Variants in PTK2 observed in about 807,000 individuals in gnomAD.
PTK2 encodes the protein focal adhesion kinase 1.
A neutral mutation model predicts 150.1 loss-of-function variants in PTK2; 45 were observed. That is an observed-to-expected ratio of 0.30 (90% CI 0.24 to 0.38). PTK2 has a LOEUF of 0.38. Ranked by LOEUF, PTK2 falls within the 10% of genes least tolerant of loss-of-function variation. The probability of loss-of-function intolerance (pLI) is 1.00; values close to 1 mark genes in which losing one functional copy is unlikely to be tolerated. For synonymous variants in PTK2, 432 were observed against 449.2 expected, an observed-to-expected ratio of 0.96 and a Z score of 0.48; for missense variants, 919 against 1,307.3, an observed-to-expected ratio of 0.70 and a Z score of 4.58.
chr8:140,855,331 C>T (rs1347067919), intron 5 of PTK2, among the ~76,000 whole-genome samples: 2 of 152,056 alleles, frequency 1.3e-5, no homozygotes, highest in Non-Finnish European at 2.9e-5. Flanking sequence ...TGTGGTGGCT[C>T]ACGTCAGTAA....
chr8:140,796,566 G>A (rs1350715224), intron 12 of PTK2, among the ~76,000 whole-genome samples: 1 of 152,118 alleles, frequency 6.6e-6, no homozygotes, highest in Non-Finnish European at 1.5e-5. Context: ...TGCCTAACAG[G>A]AGACTTTCTA....
Position 140,735,524 on chromosome 8 carries a change from C to T in PTK2, c.1826-69G>A, listed in dbSNP as rs548673838. On this transcript the variant is annotated intron_variant, in intron 21 of 31. Transcript: ENST00000522684. Reference sequence around the variant, plus strand: ...GAATGTAACTCCCAGGTTCCAGGAACATTGTTCTTCTAGGCACTCGAGTAC... The same window carrying T: ...GAATGTAACTCCCAGGTTCCAGGAATATTGTTCTTCTAGGCACTCGAGTAC... The T allele has an allele frequency of 8.1e-5, 122 of 1,515,356 alleles. No homozygotes were observed. The African/African-American group carries it at 1.6e-3, about 19-fold the overall frequency. The allele number at this position is 1,515,356 out of a possible 1,614,324, so 93.9% of individuals were successfully genotyped here. A position where few individuals can be genotyped will look rare whatever the true frequency, so the allele number is the denominator to read the frequency against.
chr8:140,878,206 G>A (rs1464462470), intron 4 of PTK2, among the ~76,000 whole-genome samples: 1 of 152,166 alleles, frequency 6.6e-6, no homozygotes, highest in Non-Finnish European at 1.5e-5. Context: ...TATTCTCAAG[G>A]AGTATTTTGT....
chr8:140,781,298 T>C (rs191999077), intron 14 of PTK2, among the ~76,000 whole-genome samples: 2 of 152,202 alleles, frequency 1.3e-5, no homozygotes, highest in African/African-American at 4.8e-5. Context: ...AATAATATAT[T>C]TTTTTAAAAA....
chr8:140,963,536 A>T (rs1292558025), intron 1 of PTK2, among the ~76,000 whole-genome samples: 1 of 152,226 alleles, frequency 6.6e-6, no homozygotes, highest in Non-Finnish European at 1.5e-5. Context: ...AACAAAAACA[A>T]AACAAAACCT....
chr8:140,932,953 G>A (rs2100172402), intron 1 of PTK2, among the ~76,000 whole-genome samples: 1 of 151,900 alleles, frequency 6.6e-6, no homozygotes, highest in East Asian at 1.9e-4. Flanking sequence ...CTGGGTTCAA[G>A]TGATTCTCCT....
chr8:140,858,932 G>A (rs902766217), intron 5 of PTK2, among the ~76,000 whole-genome samples: 3 of 152,176 alleles, frequency 2.0e-5, no homozygotes, highest in Non-Finnish European at 4.4e-5. Context: ...TGAGCCAAAA[G>A]AGATAAATTA....
rs371599953 is a variant in PTK2, at chr8:140,949,040, C to T, written c.-121-23291G>A. ...AGACCAACCCCTCTTCTTCCTCCTC[C>T]TCCTCCTCAGCCTACTCAACATGAA... On this transcript the variant is annotated intron_variant, in intron 1 of 31. Coordinates refer to ENST00000522684, the Ensembl canonical transcript of PTK2. Among the ~76,000 whole-genome samples the T allele has an allele frequency of 1.1e-4, 16 of 151,790 alleles. 1 individual carries two copies. In the East Asian group the frequency reaches 1.5e-3, roughly 15 times the overall value.
intron 1 of PTK2, among the ~76,000 whole-genome samples, chr8:140,927,973 AAAATATAT>A (rs1313001760): frequency 2.7e-5 from 2 of 72,948 alleles, no homozygotes; most frequent in East Asian, 9.7e-4. Context: ...AAAAAAAAAA[AAAATATAT>A]ATATATATAT....
intron 22 of PTK2, among the ~76,000 whole-genome samples, chr8:140,722,643 G>A (rs1178415879): frequency 6.6e-6 from 1 of 152,112 alleles, no homozygotes; most frequent in East Asian, 1.9e-4. Flanking sequence ...CAGAGACCAG[G>A]AGCAAAGAAG....
intron 29 of PTK2, chr8:140,669,422 C>T: frequency 3.4e-6 from 1 of 298,168 alleles, no homozygotes; most frequent in Non-Finnish European, 6.2e-6. Context: ...AATATAAGTT[C>T]CCATTTCTGA....
intron 1 of PTK2, among the ~76,000 whole-genome samples, chr8:140,945,981 G>A (rs1033920796): frequency 6.6e-6 from 1 of 151,838 alleles, no homozygotes; most frequent in Non-Finnish European, 1.5e-5. Flanking sequence ...ACCTGTTCTC[G>A]CCTTATTTTT....
intron 2 of PTK2, among the ~76,000 whole-genome samples, chr8:140,923,008 T>A (rs2100168120): frequency 6.6e-6 from 1 of 152,072 alleles, no homozygotes; most frequent in African/African-American, 2.4e-5. Context: ...ACAAGAAAAG[T>A]GATGGAGAGA....
rs944375639 is a variant in PTK2, at chr8:140,726,474, C to T, written c.2031-8765G>A. ...ACCCAAGCACATCCTACTTAAATTG[C>T]TGAAAAATCAAAGAAAGAAAATCAT... On this transcript the variant is annotated intron_variant, in intron 22 of 31. Coordinates refer to ENST00000522684, the Ensembl canonical transcript of PTK2. Among the ~76,000 whole-genome samples, 10 of 152,106 alleles carry T rather than the reference C, an allele frequency of 6.6e-5. No homozygotes were observed. The East Asian group carries it at 1.9e-3, about 29-fold the overall frequency.
intron 2 of PTK2, among the ~76,000 whole-genome samples, chr8:140,913,297 CTT>C (rs59811549): frequency 0.64 from 82,945 of 130,550 alleles, 28,095 homozygotes; most frequent in Non-Finnish European, 0.79. Flanking sequence ...TAAAATTAAA[CTT>C]TTTTTTTTTT....
chr8:140,841,256 A>G lies in PTK2; in HGVS notation c.593+5004T>C, dbSNP rs569656136. Among the ~76,000 whole-genome samples the G allele has an allele frequency of 8.5e-5, 13 of 152,280 alleles. No homozygotes were observed. In the East Asian group the frequency reaches 2.5e-3, roughly 29 times the overall value. Reference sequence around the variant, plus strand: ...TAGCATTCAGGTAATAGACACACAGATGCTCACTGAACAAGTCTCTCAACT... The same window carrying G: ...TAGCATTCAGGTAATAGACACACAGGTGCTCACTGAACAAGTCTCTCAACT... On this transcript the variant is annotated intron_variant, in intron 7 of 31. Transcript: ENST00000522684.
At position 140,700,838 on chromosome 8, in the gene PTK2, T is replaced by C. The variant is rs913044789; in HGVS notation, c.2499+53A>G. On this transcript the variant is annotated intron_variant, in intron 26 of 31. Coordinates refer to ENST00000522684, the Ensembl canonical transcript of PTK2. ...CATTTTGCAATAATTTGCAATATAG[T>C]AGACTCTAACAGGGCTTAAAAAGTC... 4.4e-6 allele frequency: 7 copies of C among 1,595,786 alleles called. No individual in the cohort carries two copies. The African/African-American group carries it at 5.4e-5, about 12-fold the overall frequency.
intron 26 of PTK2, among the ~76,000 whole-genome samples, chr8:140,696,478 A>T (rs184962777): frequency 6.6e-6 from 1 of 152,280 alleles, no homozygotes; most frequent in East Asian, 1.9e-4. Flanking sequence ...TTGTGGGTAG[A>T]GGCCAGGGAT....
chr8:140,669,974 G>A, intron 29 of PTK2: 1 of 515,608 alleles, frequency 1.9e-6, no homozygotes, highest in Non-Finnish European at 3.4e-6. Context: ...CATGCACCAT[G>A]CTCAGTTACA....
Sources: gnomAD v4.1 joint callset for allele counts (sites outside exome capture counted in the v4.1 genomes callset) on GRCh38, gnomAD v4.1.1 for gene constraint, MANE v1.5 for transcripts, NCBI Gene and HGNC (gene_info 2026-07-23, HGNC 2026-07-21) for gene names.